The following CPNE4 variants were observed in gnomAD, a reference collection of about 807,000 sequenced individuals.
CPNE4 encodes the protein copine-4.
Under a neutral mutation model 67.9 loss-of-function variants are expected in CPNE4, and 25 were observed. The observed-to-expected ratio is 0.37, with a 90% CI of 0.27 to 0.51. The LOEUF (loss-of-function observed/expected upper bound fraction) is 0.51, where lower values mean the gene tolerates loss of function less well. CPNE4 is among the 20% of genes least tolerant of loss of function. The pLI, the probability that CPNE4 is intolerant of heterozygous loss-of-function variation, is 0.93. For missense variants in CPNE4, 464 were observed against 690.8 expected (o/e 0.67, Z 3.68); for synonymous variants, 242 against 244.9 (o/e 0.99, Z 0.11).
chr3:131,923,811 A>C (rs2107814362), intron 1 of CPNE4, among the ~76,000 whole-genome samples: 1 of 151,852 alleles, frequency 6.6e-6, no homozygotes, highest in East Asian at 1.9e-4. Flanking sequence ...CTAGTGGCTC[A>C]TGTCAGCTAA....
At chr3:131,792,728 T>TGTGTATATGTATATATAC in intron 2 of CPNE4, among the ~76,000 whole-genome samples, 1 of 93,572 alleles carries the variant, frequency 1.1e-5, no homozygotes, top group Non-Finnish European at 2.3e-5. Context: ...TGTATATATA[T>TGTGTATATGTATATATAC]ACACGTGTGT....
chr3:131,856,278 A>G (rs549027645), intron 2 of CPNE4, among the ~76,000 whole-genome samples: 1 of 151,964 alleles, frequency 6.6e-6, no homozygotes, highest in African/African-American at 2.4e-5. Context: ...CATGTCTTAC[A>G]TGGTTTCTAC....
chr3:131,653,570 A>G (rs1171261631), intron 7 of CPNE4, among the ~76,000 whole-genome samples: 1 of 152,204 alleles, frequency 6.6e-6, no homozygotes, highest in Non-Finnish European at 1.5e-5. Context: ...TCCTCTGCAT[A>G]GAGGCCCTCA....
chr3:131,866,050 G>A (rs894651147), intron 2 of CPNE4, among the ~76,000 whole-genome samples: 4 of 152,228 alleles, frequency 2.6e-5, no homozygotes, highest in Non-Finnish European at 4.4e-5. Flanking sequence ...AGGCTCTCTG[G>A]AGCTGAGGTA....
At chr3:131,948,372 C>A (rs569712038) in intron 1 of CPNE4, among the ~76,000 whole-genome samples, 15 of 152,314 alleles carry the variant, frequency 9.8e-5, no homozygotes, top group African/African-American at 3.4e-4. Context: ...AAGAAGGTGT[C>A]TGCTTCCCCT....
At chr3:131,639,421 A>G (rs566084610) in intron 7 of CPNE4, among the ~76,000 whole-genome samples, 1 of 152,284 alleles carries the variant, frequency 6.6e-6, no homozygotes, top group East Asian at 1.9e-4. Context: ...GGAGATGGAT[A>G]AATTCCTGGA....
At chr3:131,576,798 G>T (rs534300758) in intron 9 of CPNE4, among the ~76,000 whole-genome samples, 1 of 151,984 alleles carries the variant, frequency 6.6e-6, no homozygotes, top group East Asian at 1.9e-4. Context: ...TAGTTTGAAC[G>T]ATTTCAGCAG....
chr3:131,847,973 T>C (rs534081294), intron 2 of CPNE4, among the ~76,000 whole-genome samples: 2 of 152,286 alleles, frequency 1.3e-5, no homozygotes, highest in East Asian at 3.9e-4. Context: ...CATAGACTTA[T>C]CTCCTAAACA....
intron 1 of CPNE4, among the ~76,000 whole-genome samples, chr3:131,976,281 G>C (rs540595481): frequency 6.6e-6 from 1 of 151,576 alleles, no homozygotes; most frequent in East Asian, 1.9e-4. Context: ...TTAATACTTA[G>C]ACCATGGCTT....
intron 1 of CPNE4, among the ~76,000 whole-genome samples, chr3:131,965,713 A>G (rs1032242415): frequency 6.6e-6 from 1 of 152,258 alleles, no homozygotes; most frequent in African/African-American, 2.4e-5. Context: ...AGGGGCACCC[A>G]GATTCATAAA....
intron 1 of CPNE4, among the ~76,000 whole-genome samples, chr3:131,910,441 T>C (rs1452789573): frequency 1.3e-5 from 2 of 152,096 alleles, no homozygotes; most frequent in Non-Finnish European, 2.9e-5. Flanking sequence ...AAGCAAAGCC[T>C]GAAACAGGGA....
chr3:131,814,460 G>A (rs940949768), intron 2 of CPNE4, among the ~76,000 whole-genome samples: 3 of 151,630 alleles, frequency 2.0e-5, no homozygotes, highest in East Asian at 3.9e-4. Flanking sequence ...CGTTCCTACC[G>A]TGTGTACAGA....
intron 10 of CPNE4, among the ~76,000 whole-genome samples, chr3:131,567,617 T>C (rs1937125831): frequency 6.6e-6 from 1 of 151,902 alleles, no homozygotes; most frequent in Non-Finnish European, 1.5e-5. Context: ...CTATCAACTC[T>C]TCATTGTCAG....
At chr3:131,996,980 AAAT>A (rs1175481349) in intron 1 of CPNE4, among the ~76,000 whole-genome samples, 2 of 152,126 alleles carry the variant, frequency 1.3e-5, no homozygotes, top group African/African-American at 4.8e-5. Context: ...TCTTACATGG[AAAT>A]AATAATATAA....
intron 2 of CPNE4, among the ~76,000 whole-genome samples, chr3:131,872,874 C>A (rs916251610): frequency 6.6e-6 from 1 of 152,174 alleles, no homozygotes; most frequent in African/African-American, 2.4e-5. Flanking sequence ...CCAATAATTT[C>A]GTCCCTCAGC....
chr3:131,796,820 G>A (rs529619959), intron 2 of CPNE4, among the ~76,000 whole-genome samples: 1 of 152,312 alleles, frequency 6.6e-6, no homozygotes, highest in Admixed American at 6.5e-5. Context: ...TGAAGCAGCT[G>A]GCAGGAGCCT....
At position 131,534,596 on chromosome 3, in the gene CPNE4, A is replaced by G. The variant is rs926952245; in HGVS notation, c.*599T>C. On this transcript the variant is annotated 3_prime_UTR_variant, in exon 16 of 16. Transcript: ENST00000429747. ...TATAAAGTATGAGAGGTGCTGGGCT[A>G]GATGACCCAGACTTACCTCAAAAAG... 1 of 152,276 alleles carries G rather than the reference A, an allele frequency of 6.6e-6. No homozygotes were observed. Among genetic ancestry groups the G allele is most frequent in the African/African-American group, 2.4e-5 (1 of 41,474 alleles). The allele number at this position is 152,276 out of a possible 1,614,324, so 9.4% of individuals were successfully genotyped here.
chr3:131,694,862 T>TG (rs2081114077), intron 5 of CPNE4, among the ~76,000 whole-genome samples: 1 of 152,206 alleles, frequency 6.6e-6, no homozygotes, highest in Non-Finnish European at 1.5e-5. Context: ...ACTGCCCAAC[T>TG]GAACCCTGAT....
At chr3:131,613,197 A>C (rs554874189) in intron 7 of CPNE4, among the ~76,000 whole-genome samples, 5 of 152,308 alleles carry the variant, frequency 3.3e-5, no homozygotes. Flanking sequence ...TCCAGGTTCT[A>C]TAGTTGAGCT....
Sources: allele counts gnomAD v4.1 joint callset (sites outside exome capture counted in the v4.1 genomes callset), GRCh38; gene constraint gnomAD v4.1.1; transcripts MANE v1.5; gene names NCBI Gene and HGNC (gene_info 2026-07-23, HGNC 2026-07-21).